The following LOXHD1 variants were observed in gnomAD, a reference collection of about 807,000 sequenced individuals.
The protein encoded by LOXHD1 is lipoxygenase homology PLAT domains 1, also known as lipoxygenase homology domain-containing protein 1.
LOXHD1 carries 205 observed loss-of-function variants against 248.2 expected under a neutral mutation model. The observed-to-expected ratio is 0.83, with a 90% CI of 0.74 to 0.93. LOXHD1 has a LOEUF of 0.93. Ranked by LOEUF, LOXHD1 falls within the 40% of genes least tolerant of loss-of-function variation. The pLI is 0.00. For missense variants in LOXHD1, 2,930 were observed against 2,971.6 expected, an observed-to-expected ratio of 0.99 and a Z score of 0.33; for synonymous variants, 1,113 against 1,162.8, an observed-to-expected ratio of 0.96 and a Z score of 0.87.
intron 36 of LOXHD1, 96 bp downstream of exon 36, chr18:46,507,442 T>C: frequency 7.1e-7 from 1 of 1,403,752 alleles, no homozygotes; most frequent in Admixed American, 2.0e-5. Context: ...GAAGGCCTTA[T>C]GAAGAAAAAT....
chr18:46,577,822 G>C lies in LOXHD1; in HGVS notation c.1855C>G (p.Arg619Gly), dbSNP rs1220335121. 1.9e-6 allele frequency: 3 copies of C among 1,551,532 alleles called. No homozygotes were observed. The highest frequency in any genetic ancestry group is 2.6e-6 in the Non-Finnish European group (3 of 1,146,996). The change falls in exon 14 of 41, where the codon CGG (arginine) becomes GGG (glycine). Residue 619 changes from arginine to glycine, a missense_variant. By Grantham distance (125) the Arg-to-Gly change is moderately radical. Coordinates refer to ENST00000642948, the MANE Select transcript of LOXHD1 (RefSeq NM_001384474.1). ...IESVTMRNVR[R>G]VRIRHDGKGS... ...TTGCCATCGTGTCTGATCCTCACCCGCCTCACATTCCGCATGGTGACAGAC... is the reference window on the plus strand; with the variant it reads ...TTGCCATCGTGTCTGATCCTCACCCCCCTCACATTCCGCATGGTGACAGAC...
intron 37 of LOXHD1, among the ~76,000 whole-genome samples, chr18:46,498,118 G>A (rs1476015637): frequency 6.6e-6 from 1 of 152,222 alleles, no homozygotes; most frequent in African/African-American, 2.4e-5. Context: ...GGAGACCCCA[G>A]TTGTAAAAGT....
chr18:46,571,833 G>A (rs144008638), intron 15 of LOXHD1, among the ~76,000 whole-genome samples: 141 of 152,182 alleles, frequency 9.3e-4, no homozygotes, highest in African/African-American at 3.2e-3. Context: ...TGGCACCATT[G>A]GCCAGCATTA....
In LOXHD1 at chr18:46,505,742, G is replaced by A. The variant is rs895995370; in HGVS notation, c.5878+96C>T. ...GTGTTCAGTTTTCTGCCACCCTGGG[G>A]TAATCAGAGTCAATGTGCTGCCAGG... On this transcript the variant is annotated intron_variant, in intron 37 of 40. Transcript: ENST00000642948. 17 of 1,304,394 alleles carry A rather than the reference G, an allele frequency of 1.3e-5. No homozygotes were observed. The Middle Eastern group carries it at 6.6e-4, about 50-fold the overall frequency. 80.8% of individuals were successfully genotyped at this position (1,304,394 alleles called of 1,614,324 possible). A position where few individuals can be genotyped will look rare whatever the true frequency, so the allele number is the denominator to read the frequency against.
chr18:46,586,933 T>C (rs1325646779), intron 12 of LOXHD1, among the ~76,000 whole-genome samples: 1 of 152,194 alleles, frequency 6.6e-6, no homozygotes, highest in Non-Finnish European at 1.5e-5. Context: ...CCATGAAACA[T>C]ATGAGTACAC....
chr18:46,632,425 A>T (rs903870292), intron 4 of LOXHD1, among the ~76,000 whole-genome samples: 1 of 152,148 alleles, frequency 6.6e-6, no homozygotes, highest in Non-Finnish European at 1.5e-5. Flanking sequence ...TCAAGAGGGC[A>T]TTGCCAACAG....
At chr18:46,489,168 G>A in intron 37 of LOXHD1, 26 bp from the exon 38 acceptor site, 1 of 1,551,348 alleles carries the variant, frequency 6.4e-7, no homozygotes. Flanking sequence ...CATGGGGGTT[G>A]GAAGCTGGAT....
At chr18:46,537,733 G>T (rs1428347839) in intron 26 of LOXHD1, among the ~76,000 whole-genome samples, 2 of 152,218 alleles carry the variant, frequency 1.3e-5, no homozygotes, top group African/African-American at 4.8e-5. Flanking sequence ...CATAGCTTGA[G>T]AGCTGAGCAG....
chr18:46,579,308 G>A (rs2037917228), intron 13 of LOXHD1, among the ~76,000 whole-genome samples: 1 of 152,160 alleles, frequency 6.6e-6, no homozygotes, highest in African/African-American at 2.4e-5. Flanking sequence ...AAAGCTCAGG[G>A]GTGGGGGAGA....
At chr18:46,602,665 C>T (rs2038356821) in intron 7 of LOXHD1, among the ~76,000 whole-genome samples, 1 of 152,096 alleles carries the variant, frequency 6.6e-6, no homozygotes, top group Non-Finnish European at 1.5e-5. Flanking sequence ...CATGCAACTA[C>T]ATGGGTGTAT....
In LOXHD1 at chr18:46,601,205, G is replaced by A; in HGVS notation, c.1134+12C>T. ...TGAATCAGGGAAGGCTGTCTCTGGG[G>A]GCATCCCTTACCTTCTCACAGAACC... On this transcript the variant is annotated intron_variant, in intron 8 of 40. Transcript: ENST00000642948. 1 of 1,547,938 alleles carries A rather than the reference G, an allele frequency of 6.5e-7. No individual in the cohort carries two copies. Among genetic ancestry groups the A allele is most frequent in the Non-Finnish European group, 8.7e-7 (1 of 1,144,128 alleles).
intron 28 of LOXHD1, among the ~76,000 whole-genome samples, chr18:46,530,909 C>A (rs1181777292): frequency 6.6e-6 from 1 of 152,164 alleles, no homozygotes; most frequent in Admixed American, 6.5e-5. Context: ...TCTCATCTTG[C>A]ACTTCCTTGA....
intron 1 of LOXHD1, among the ~76,000 whole-genome samples, chr18:46,656,224 A>G (rs1355154101): frequency 6.6e-6 from 1 of 152,186 alleles, no homozygotes; most frequent in African/African-American, 2.4e-5. Context: ...ATTGGCATTC[A>G]CAGAAAAAAG....
At chr18:46,518,556 G>T (rs1366725811) in intron 33 of LOXHD1, among the ~76,000 whole-genome samples, 1 of 152,202 alleles carries the variant, frequency 6.6e-6, no homozygotes, top group African/African-American at 2.4e-5. Context: ...CTAAGTCCAG[G>T]CATGCCAGCA....
Position 46,560,065 on chromosome 18 carries a change from C to A in LOXHD1, c.3061+18G>T. The A allele has an allele frequency of 6.8e-7, 1 of 1,460,584 alleles. No homozygotes were observed. 90.5% of individuals were successfully genotyped at this position (1,460,584 alleles called of 1,614,324 possible). On this transcript the variant is annotated intron_variant, in intron 19 of 40. Coordinates refer to ENST00000642948, the MANE Select transcript of LOXHD1 (RefSeq NM_001384474.1). ...CTGGCCACTCCCTCCCCACCCCCAC[C>A]CCCCACGACCCACTTACGCTCAGGA...
intron 19 of LOXHD1, 128 bp from the exon 20 acceptor site, chr18:46,559,730 G>A (rs1599002236): frequency 9.1e-7 from 1 of 1,104,524 alleles, no homozygotes; most frequent in African/African-American, 1.6e-5. Flanking sequence ...ACACTAACCT[G>A]GGACTGAAAC....
chr18:46,545,623 A>ATTTTTTTTTTTTTTTTTTTTT (rs1555676193), intron 22 of LOXHD1, among the ~76,000 whole-genome samples: 3 of 86,052 alleles, frequency 3.5e-5, no homozygotes, highest in African/African-American at 9.2e-5. Context: ...CCTCTTGGCC[A>ATTTTTTTTTTTTTTTTTTTTT]TTTCTTTTTT....
At chr18:46,514,348 C>T (rs542708900) in intron 34 of LOXHD1, among the ~76,000 whole-genome samples, 58 of 152,278 alleles carry the variant, frequency 3.8e-4, no homozygotes, top group African/African-American at 1.3e-3. Flanking sequence ...GCTTTCCTTC[C>T]TCTTCTCTCA....
intron 4 of LOXHD1, among the ~76,000 whole-genome samples, chr18:46,619,636 A>C (rs1156393186): frequency 6.6e-6 from 1 of 152,242 alleles, no homozygotes; most frequent in African/African-American, 2.4e-5. Context: ...GAAGTTGCTC[A>C]GGGCAAAGGA....
Sources: gnomAD v4.1 joint callset for allele counts (sites outside exome capture counted in the v4.1 genomes callset) on GRCh38, gnomAD v4.1.1 for gene constraint, MANE v1.5 for transcripts, NCBI Gene and HGNC (gene_info 2026-07-23, HGNC 2026-07-21) for gene names.